The following TCF7 variants were observed in gnomAD, a reference collection of about 807,000 sequenced individuals.
TCF7 encodes T-cell-factor-7.
A neutral mutation model predicts 46.8 loss-of-function variants in TCF7; 19 were observed. The observed-to-expected ratio is 0.41, with a 90% confidence interval of 0.28 to 0.60. The LOEUF (loss-of-function observed/expected upper bound fraction) is 0.60. TCF7 is among the 20% of genes least tolerant of loss of function. The pLI, the probability that TCF7 is intolerant of heterozygous loss-of-function variation, is 0.35. For missense variants in TCF7, 547 were observed against 504.6 expected (o/e 1.08, Z -0.81); for synonymous variants, 245 against 213.4 (o/e 1.15, Z -1.29).
At chr5:134,115,447 C>T in intron 2 of TCF7, 60 bp downstream of exon 2, 3 of 1,545,120 alleles carry the variant, frequency 1.9e-6, no homozygotes, top group Non-Finnish European at 2.6e-6. Flanking sequence ...CTCGGTGGGA[C>T]GGGGACGCCA....
Position 134,115,904 on chromosome 5 carries a change from T to C in TCF7, c.317-5T>C. 7 of 1,613,940 alleles carry C rather than the reference T, an allele frequency of 4.3e-6. No homozygotes were observed. Among genetic ancestry groups the C allele is most frequent in the Non-Finnish European group, 5.9e-6 (7 of 1,180,008 alleles). ...GTGTGTCTGACCCAGCTGTGGTTTT[T>C]CCAGGCCTGAAGGCCCCGGAGTGCA... On this transcript the variant is annotated splice_region_variant and splice_polypyrimidine_tract_variant and intron_variant, in intron 2 of 9. Transcript: ENST00000342854.
chr5:134,134,655 G>A (rs1014345813), intron 3 of TCF7, among the ~76,000 whole-genome samples: 2 of 152,186 alleles, frequency 1.3e-5, no homozygotes, highest in Non-Finnish European at 1.5e-5. Flanking sequence ...TTGCATCTGT[G>A]ACCAATGAGG....
At chr5:134,110,650 C>T (rs916392848), upstream of TCF7, among the ~76,000 whole-genome samples, 10 of 152,252 alleles carry the variant, frequency 6.6e-5, no homozygotes, top group African/African-American at 2.4e-4. Context: ...CCCAGCCTCC[C>T]GGCGGCTTTG....
chr5:134,137,896 G>A, intron 3 of TCF7, 163 bp from the exon 4 acceptor site: 1 of 501,292 alleles, frequency 2.0e-6, no homozygotes. Context: ...GGGCTAGTGG[G>A]CGGGGTACTG....
At chr5:134,119,139 A>G (rs1756237300) in intron 3 of TCF7, among the ~76,000 whole-genome samples, 2 of 152,202 alleles carry the variant, frequency 1.3e-5, no homozygotes, top group Non-Finnish European at 2.9e-5. Flanking sequence ...ACTCAGGCTC[A>G]AACTCAGTGT....
At chr5:134,140,588 G>A (rs970273690) in intron 5 of TCF7, 2 of 342,302 alleles carry the variant, frequency 5.8e-6, no homozygotes, top group South Asian at 2.1e-5. Flanking sequence ...GGTCCCAGGA[G>A]AAGGATACCA....
chr5:134,131,222 G>T (rs1758076328), intron 3 of TCF7, among the ~76,000 whole-genome samples: 1 of 152,158 alleles, frequency 6.6e-6, no homozygotes, highest in Non-Finnish European at 1.5e-5. Flanking sequence ...AAAGGGCCCT[G>T]GCACTGACCT....
rs1760910343 is a variant in TCF7 at position 134,148,033 on chromosome 5, GCCTTTAGTT to G, written c.*1734_*1742del. 7.5e-6 allele frequency: 1 copy of G among 133,560 alleles called. No individual in the cohort carries two copies. Among genetic ancestry groups the G allele is most frequent in the Non-Finnish European group, 1.6e-5 (1 of 62,248 alleles). The allele number at this position is 133,560 out of a possible 1,614,324, so 8.3% of individuals were successfully genotyped here. A position where few individuals can be genotyped will look rare whatever the true frequency, so the allele number is the denominator to read the frequency against. On this transcript the variant is annotated 3_prime_UTR_variant, in exon 10 of 10. Coordinates refer to ENST00000342854, the MANE Select transcript of TCF7 (RefSeq NM_003202.5). Reference sequence around the variant, plus strand: ...TGTATTCACACACCCCTCAAAAAAAGCCTTTAGTTCCTACTTTAGCCACTGGTTTCTCAG... The same window carrying G: ...TGTATTCACACACCCCTCAAAAAAAGCCTACTTTAGCCACTGGTTTCTCAG...
intron 3 of TCF7, among the ~76,000 whole-genome samples, chr5:134,127,291 G>A (rs929901172): frequency 2.6e-5 from 4 of 152,224 alleles, no homozygotes; most frequent in African/African-American, 9.6e-5. Context: ...CAAGTTCAGG[G>A]CTCCCAGGGC....
At position 134,115,314 on chromosome 5, in the gene TCF7, C is replaced by T. The variant is rs1438294045; in HGVS notation, c.250-7C>T. 2.5e-6 allele frequency: 4 copies of T among 1,573,382 alleles called. No homozygotes were observed. The highest frequency in any genetic ancestry group is 3.6e-5 in the Admixed American group (2 of 56,316). ...CGCCCCTCACTCCCCTCCGGTTCTC[C>T]CTCCAGGCTCTCGGGCGGGAACACG... On this transcript the variant is annotated splice_polypyrimidine_tract_variant and splice_region_variant and intron_variant, in intron 1 of 9. Transcript: ENST00000342854.
chr5:134,117,292 C>T (rs1250367203), intron 3 of TCF7, among the ~76,000 whole-genome samples: 2 of 152,222 alleles, frequency 1.3e-5, no homozygotes, highest in African/African-American at 4.8e-5. Flanking sequence ...CAGCATTCCC[C>T]CGCTGATGTA....
chr5:134,114,923 C>G lies in TCF7; in HGVS notation c.17C>G (p.Ser6Cys), dbSNP rs1755588283. 1 of 1,059,140 alleles carries G rather than the reference C, an allele frequency of 9.4e-7. No individual in the cohort carries two copies. Among genetic ancestry groups the G allele is most frequent in the Non-Finnish European group, 1.1e-6 (1 of 872,028 alleles). The allele number at this position is 1,059,140 out of a possible 1,614,324, so 65.6% of individuals were successfully genotyped here. A position where few individuals can be genotyped will look rare whatever the true frequency, so the allele number is the denominator to read the frequency against. The change falls in exon 1 of 10, where the codon TCC (serine) becomes TGC (cysteine). Residue 6 changes from serine (S) to cysteine (C), a missense_variant. Physicochemically the swap from Ser to Cys is moderately radical, Grantham distance 112. Around this residue, in one of 3 missense-constraint regions of TCF7, gnomAD observed 425 missense variants for 349.9 expected, o/e 1.21. Coordinates refer to ENST00000342854, the MANE Select transcript of TCF7 (RefSeq NM_003202.5). MPQLD[S>C]GGGGAGGGDD... Reference sequence around the variant, plus strand: ...GAGCGCACCATGCCGCAGCTGGACTCCGGCGGGGGCGGCGCGGGCGGCGGC... The same window carrying G: ...GAGCGCACCATGCCGCAGCTGGACTGCGGCGGGGGCGGCGCGGGCGGCGGC...
chr5:134,138,727 A>G (rs1580876266), intron 4 of TCF7: 5 of 588,478 alleles, frequency 8.5e-6, no homozygotes, highest in Admixed American at 3.1e-5. Flanking sequence ...TGGCCCCCTA[A>G]TGTCTTAGGC....
intron 2 of TCF7, 108 bp from the exon 3 acceptor site, chr5:134,115,801 G>C (rs1233364014): frequency 6.4e-7 from 1 of 1,557,708 alleles, no homozygotes; most frequent in Non-Finnish European, 8.7e-7. Flanking sequence ...CCCAAGTCAG[G>C]AACTTGCAGG....
intron 3 of TCF7, among the ~76,000 whole-genome samples, chr5:134,137,042 G>T (rs1180031917): frequency 6.6e-6 from 1 of 152,250 alleles, no homozygotes; most frequent in Non-Finnish European, 1.5e-5. Context: ...GGCCCTGGCA[G>T]TGACTCCCTG....
chr5:134,141,814 G>T (rs377620740), intron 5 of TCF7: 1 of 174,068 alleles, frequency 5.7e-6, no homozygotes, highest in East Asian at 1.6e-4. Flanking sequence ...TGGTTACTCT[G>T]GCTATTGTGT....
chr5:134,126,105 TGGTGGCCAGGCAGGCAGA>T (rs983872735), intron 3 of TCF7, among the ~76,000 whole-genome samples: 4 of 152,264 alleles, frequency 2.6e-5, no homozygotes, highest in African/African-American at 7.2e-5. Flanking sequence ...GTGGCTGGCG[TGGTGGCCAGGCAGGCAGA>T]GGTGGGTGGG....
In TCF7 at chr5:134,115,907, A is replaced by T. The variant is rs957194797; in HGVS notation, c.317-2A>T. ...TGTCTGACCCAGCTGTGGTTTTTCCAGGCCTGAAGGCCCCGGAGTGCACCA... is the reference window on the plus strand; with the variant it reads ...TGTCTGACCCAGCTGTGGTTTTTCCTGGCCTGAAGGCCCCGGAGTGCACCA... On this transcript the variant is annotated splice_acceptor_variant, in intron 2 of 9. Coordinates refer to ENST00000342854, the MANE Select transcript of TCF7 (RefSeq NM_003202.5). LOFTEE classifies it high-confidence loss of function. 6.2e-7 allele frequency: 1 copy of T among 1,613,768 alleles called. No individual in the cohort carries two copies. Among genetic ancestry groups the T allele is most frequent in the Non-Finnish European group, 8.5e-7 (1 of 1,180,002 alleles).
In TCF7 at chr5:134,146,480, A is replaced by G; in HGVS notation, c.*177A>G. ...GGCCCCCCGCAGCACCCTGCAGAGC[A>G]CACAGGTACAGCAACAGGAATCTCA... On this transcript the variant is annotated 3_prime_UTR_variant, in exon 10 of 10. Transcript: ENST00000342854. The G allele has an allele frequency of 1.3e-6, 1 of 766,634 alleles. No homozygotes were observed. Among genetic ancestry groups the G allele is most frequent in the Non-Finnish European group, 2.3e-6 (1 of 426,904 alleles). The allele number at this position is 766,634 out of a possible 1,614,324, so 47.5% of individuals were successfully genotyped here.
Sources: allele counts gnomAD v4.1 joint callset (sites outside exome capture counted in the v4.1 genomes callset), GRCh38; gene constraint gnomAD v4.1.1; regional missense constraint gnomAD v4.1.1; transcripts MANE v1.5; gene names NCBI Gene and HGNC (gene_info 2026-07-23, HGNC 2026-07-21).